The following TGIF1 variants were observed in gnomAD, a reference collection of about 807,000 sequenced individuals.
The protein encoded by TGIF1 is homeobox protein TGIF1.
A neutral mutation model predicts 19.3 loss-of-function variants in TGIF1; 4 were observed. The observed-to-expected ratio is 0.21, with a 90% confidence interval of 0.10 to 0.47. TGIF1 has a LOEUF of 0.47. TGIF1 is among the 20% of genes least tolerant of loss of function. TGIF1 has a pLI of 0.98. For missense variants in TGIF1, 275 were observed against 341.4 expected (o/e 0.81, Z 1.53); for synonymous variants, 122 against 129.3 (o/e 0.94, Z 0.38).
At chr18:3,423,975 G>C (rs1441970211) in intron 2 of TGIF1, among the ~76,000 whole-genome samples, 1 of 152,182 alleles carries the variant, frequency 6.6e-6, no homozygotes, top group Non-Finnish European at 1.5e-5. Flanking sequence ...GGGCAGCCAC[G>C]ATGGAGTGAC....
At position 3,457,553 on chromosome 18, in the gene TGIF1, T is replaced by C. The variant is rs763674999; in HGVS notation, c.432T>C (p.Cys144=). ...TAGAGGAGACCCCATTTCATTCCTG[T>C]ACAGCTGGGCCAAACCCAACCCTAG... The part of the protein sequence containing the change: ...PALEETPFHS[C]TAGPNPTLGR... The change falls in exon 3 of 3, where the codon TGT becomes TGC. Residue 144 remains cysteine, a synonymous_variant. Transcript: ENST00000343820. This position sits in a 1 kb window ranked among gnomAD's most constrained non-coding sequence, Gnocchi z 4.9. 1.2e-6 allele frequency: 2 copies of C among 1,614,226 alleles called. No homozygotes were observed. The highest frequency in any genetic ancestry group is 1.7e-6 in the Non-Finnish European group (2 of 1,180,044).
At position 3,452,429 on chromosome 18, in the gene TGIF1, G is replaced by A. The variant is rs762068419; in HGVS notation, c.16+1924G>A. On this transcript the variant is annotated intron_variant, in intron 1 of 2. Transcript: ENST00000343820. ...TTTGCGACTGGTTCAGGGCTCTTTG[G>A]GGGAGCCGAGGCTGCCGAGGTTACC... is the stretch of plus-strand genomic sequence containing the variant. 3.7e-6 allele frequency: 6 copies of A among 1,612,068 alleles called. No individual in the cohort carries two copies. The East Asian group carries it at 1.3e-4, about 36-fold the overall frequency.
intron 2 of TGIF1, among the ~76,000 whole-genome samples, chr18:3,424,602 G>A (rs1399640850): frequency 6.6e-6 from 1 of 152,010 alleles, no homozygotes; most frequent in East Asian, 1.9e-4. Flanking sequence ...GTGGGTAGGG[G>A]CTACTGGATA....
chr18:3,423,498 C>T (rs568111121), intron 2 of TGIF1, among the ~76,000 whole-genome samples: 130 of 151,870 alleles, frequency 8.6e-4, no homozygotes, highest in Middle Eastern at 3.4e-3. Context: ...GCTAACACGG[C>T]GAAACCCCGT....
rs2049352946 is a variant in TGIF1 at position 3,456,316 on chromosome 18, TATAAA to T, written c.17-37_17-33del. ...TGAGCTTTGCAATAGTTGCTGTGCT[TATAAA>T]GCAACTGACAACTGGCCCTTGTCCT... On this transcript the variant is annotated intron_variant, in intron 1 of 2. Coordinates refer to ENST00000343820, the MANE Select transcript of TGIF1 (RefSeq NM_003244.4). This position sits in a 1 kb window ranked among gnomAD's most constrained non-coding sequence, Gnocchi z 4.2. The T allele has an allele frequency of 6.3e-7, 1 of 1,584,000 alleles. No individual in the cohort carries two copies. Among genetic ancestry groups the T allele is most frequent in the East Asian group, 2.2e-5 (1 of 44,760 alleles).
At chr18:3,452,248 A>C (rs770717714) in intron 1 of TGIF1, 1 of 1,609,108 alleles carries the variant, frequency 6.2e-7, no homozygotes, top group Non-Finnish European at 8.5e-7. Context: ...CGCTGCCCAC[A>C]GCCGCGTGCC....
chr18:3,452,278 C>G, intron 1 of TGIF1: 1 of 1,610,828 alleles, frequency 6.2e-7, no homozygotes, highest in Non-Finnish European at 8.5e-7. Flanking sequence ...GAGCTGGGGA[C>G]CAAGGCTGGG....
At chr18:3,446,568 C>G (rs577633654), upstream of TGIF1, among the ~76,000 whole-genome samples, 1 of 151,956 alleles carries the variant, frequency 6.6e-6, no homozygotes, top group Non-Finnish European at 1.5e-5. Flanking sequence ...AAAGGAGGGC[C>G]GGGAAGGGAA....
chr18:3,450,847 G>A (rs918758624), intron 1 of TGIF1, among the ~76,000 whole-genome samples: 5 of 152,160 alleles, frequency 3.3e-5, no homozygotes, highest in Admixed American at 1.3e-4. Flanking sequence ...TTTCTCGCGT[G>A]CTGGGGATAT....
Position 3,450,371 on chromosome 18 carries a change from C to G in TGIF1, c.-119C>G. 2.0e-6 allele frequency: 3 copies of G among 1,526,800 alleles called. No individual in the cohort carries two copies. Among genetic ancestry groups the G allele is most frequent in the Non-Finnish European group, 2.6e-6 (3 of 1,134,202 alleles). 94.6% of individuals were successfully genotyped at this position (1,526,800 alleles called of 1,614,324 possible). A position where few individuals can be genotyped will look rare whatever the true frequency, so the allele number is the denominator to read the frequency against. On this transcript the variant is annotated 5_prime_UTR_variant, in exon 1 of 3. Transcript: ENST00000343820. ...TCCTGTTTAGCAATAACGGCTGGAG[C>G]ACGTCCTACAAGTTACGGGAGAGTC...
At chr18:3,444,944 C>A (rs2082721304) in intron 2 of TGIF1, among the ~76,000 whole-genome samples, 1 of 152,132 alleles carries the variant, frequency 6.6e-6, no homozygotes, top group Non-Finnish European at 1.5e-5. Flanking sequence ...GGATTTCTAT[C>A]CCCATGGAAC....
rs944119546 is a variant in TGIF1, at chr18:3,459,185, G to C, written c.*1245G>C. Reference sequence around the variant, plus strand: ...TAGTATGAGCTTGCTTTGTTGTTACGGTCATGTTCTTTCCAGCCCTGCCCC... The same window carrying C: ...TAGTATGAGCTTGCTTTGTTGTTACCGTCATGTTCTTTCCAGCCCTGCCCC... On this transcript the variant is annotated 3_prime_UTR_variant, in exon 3 of 3. Transcript: ENST00000343820. 1 of 152,164 alleles carries C rather than the reference G, an allele frequency of 6.6e-6. No homozygotes were observed. Among genetic ancestry groups the C allele is most frequent in the Non-Finnish European group, 1.5e-5 (1 of 68,038 alleles). 9.4% of individuals were successfully genotyped at this position (152,164 alleles called of 1,614,324 possible).
At chr18:3,452,144 C>T in intron 1 of TGIF1, 3 of 1,613,922 alleles carry the variant, frequency 1.9e-6, no homozygotes, top group Non-Finnish European at 2.5e-6. Flanking sequence ...TCTCCCGCGG[C>T]ACTTTGGCCT....
Position 3,457,006 on chromosome 18 carries a change from CTT to C in TGIF1, c.244-358_244-357del, listed in dbSNP as rs1428517322. On this transcript the variant is annotated intron_variant, in intron 2 of 2. Coordinates refer to ENST00000343820, the MANE Select transcript of TGIF1 (RefSeq NM_003244.4). This position sits in a 1 kb window ranked among gnomAD's most constrained non-coding sequence, Gnocchi z 4.9. ...GAGAGGTTTTCCTGTAGTTGATTAA[CTT>C]AAATGTTGGGGCAGTAGGTGATAGG... 2 of 555,176 alleles carry C rather than the reference CTT, an allele frequency of 3.6e-6. No individual in the cohort carries two copies. Among genetic ancestry groups the C allele is most frequent in the Non-Finnish European group, 6.3e-6 (2 of 315,428 alleles). 34.4% of individuals were successfully genotyped at this position (555,176 alleles called of 1,614,324 possible).
chr18:3,454,350 C>G (rs964960761), intron 1 of TGIF1, among the ~76,000 whole-genome samples: 1 of 151,970 alleles, frequency 6.6e-6, no homozygotes, highest in African/African-American at 2.4e-5. Flanking sequence ...ATTCACTGTT[C>G]AATGAGCAAA....
At chr18:3,441,982 A>C (rs939885949) in intron 2 of TGIF1, among the ~76,000 whole-genome samples, 1 of 152,228 alleles carries the variant, frequency 6.6e-6, no homozygotes, top group Non-Finnish European at 1.5e-5. Flanking sequence ...TTTTAATTTC[A>C]ATGAACTGTG....
rs377488520 is a variant in TGIF1 at position 3,451,946 on chromosome 18, C to T, written c.16+1441C>T. On this transcript the variant is annotated intron_variant, in intron 1 of 2. Coordinates refer to ENST00000343820, the MANE Select transcript of TGIF1 (RefSeq NM_003244.4). The surrounding 1 kb of genome is among the most constrained non-coding windows in gnomAD (Gnocchi z 5.4). Reference sequence around the variant, plus strand: ...ACGCGCTGTCTGTTGTGGTGGGCCTCCCGGGAATAAGTGAGGGGCTCTGTG... The same window carrying T: ...ACGCGCTGTCTGTTGTGGTGGGCCTTCCGGGAATAAGTGAGGGGCTCTGTG... 318 of 1,550,122 alleles carry T rather than the reference C, an allele frequency of 2.1e-4. 1 individual carries two copies. The African/African-American group carries it at 3.9e-3, about 19-fold the overall frequency.
upstream of TGIF1, chr18:3,449,538 T>TTGCCCCCCCCCCCC: frequency 2.1e-6 from 2 of 961,948 alleles, no homozygotes; most frequent in Non-Finnish European, 2.5e-6. Flanking sequence ...GTCTCATCAT[T>TTGCCCCCCCCCCCC]CCCCCCCGCC....
At chr18:3,450,007 C>CA (rs1394205666), upstream of TGIF1, 29 of 989,952 alleles carry the variant, frequency 2.9e-5, no homozygotes, top group African/African-American at 8.7e-5. Flanking sequence ...CGCGTCCGCA[C>CA]CGCCGCCCCC....
Sources: allele counts gnomAD v4.1 joint callset (sites outside exome capture counted in the v4.1 genomes callset), GRCh38; gene constraint gnomAD v4.1.1; non-coding constraint Gnocchi (gnomAD v3.1); transcripts MANE v1.5; gene names NCBI Gene and HGNC (gene_info 2026-07-23, HGNC 2026-07-21).